The following RANBP2 variants were observed in gnomAD, a reference collection of about 807,000 sequenced individuals.
RANBP2 encodes the protein RAN binding protein 2, also known as E3 SUMO-protein ligase RanBP2.
A neutral mutation model predicts 303.6 loss-of-function variants in RANBP2; 57 were observed. That is an observed-to-expected ratio of 0.19 (90% CI 0.15 to 0.23). The LOEUF is 0.23. Ranked by LOEUF, RANBP2 falls within the 10% of genes least tolerant of loss-of-function variation. RANBP2 has a pLI of 1.00. For missense variants in RANBP2, 3,138 were observed against 3,780.8 expected (o/e 0.83, Z 4.46); for synonymous variants, 1,167 against 1,301.5 (o/e 0.90, Z 2.23).
chr2:108,746,192 G>A (rs1218777585), intron 7 of RANBP2, among the ~76,000 whole-genome samples: 2 of 149,110 alleles, frequency 1.3e-5, no homozygotes, highest in African/African-American at 5.0e-5. Context: ...ACAGGTGTGA[G>A]CCACCATGTC....
At chr2:108,876,211 T>A in the RANBP2 span, 1 of 1,613,104 alleles carries the variant, frequency 6.2e-7, no homozygotes, top group East Asian at 2.2e-5. Context: ...TCAATCTGGG[T>A]TTAACAAAAT....
the RANBP2 span, among the ~76,000 whole-genome samples, chr2:108,877,440 T>C: frequency 6.6e-6 from 1 of 152,138 alleles, no homozygotes; most frequent in Non-Finnish European, 1.5e-5. Flanking sequence ...CACTCCAGCC[T>C]GGGCAACAAA....
chr2:109,312,550 C>T, the RANBP2 span, among the ~76,000 whole-genome samples: 1 of 152,080 alleles, frequency 6.6e-6, no homozygotes, highest in South Asian at 2.1e-4. Context: ...TCTTCCTGGC[C>T]CCAGGCCACC....
At chr2:109,230,363 G>A in the RANBP2 span, among the ~76,000 whole-genome samples, 1 of 152,004 alleles carries the variant, frequency 6.6e-6, no homozygotes, top group Non-Finnish European at 1.5e-5. Context: ...GCTCTCTTGA[G>A]GCCAGGAGTT....
the RANBP2 span, among the ~76,000 whole-genome samples, chr2:109,283,620 G>A: frequency 6.6e-6 from 1 of 152,224 alleles, no homozygotes; most frequent in Non-Finnish European, 1.5e-5. Flanking sequence ...GGAGAGCGCT[G>A]CAGGGAGCTG....
the RANBP2 span, among the ~76,000 whole-genome samples, chr2:109,646,756 T>C: frequency 2.0e-5 from 3 of 151,254 alleles, no homozygotes; most frequent in East Asian, 5.9e-4. Context: ...TCCACCCACG[T>C]AGGCCTCCCA....
chr2:108,847,744 A>G, the RANBP2 span, among the ~76,000 whole-genome samples: 1 of 152,164 alleles, frequency 6.6e-6, no homozygotes, highest in Non-Finnish European at 1.5e-5. Context: ...GTTTTTATTA[A>G]TGGGCAATGA....
chr2:109,169,086 AG>A, the RANBP2 span, among the ~76,000 whole-genome samples: 1 of 152,290 alleles, frequency 6.6e-6, no homozygotes, highest in East Asian at 1.9e-4. Flanking sequence ...CAGCCTTTGG[AG>A]GAGCCAGAAT....
chr2:109,638,421 C>T, the RANBP2 span, among the ~76,000 whole-genome samples: 1 of 152,156 alleles, frequency 6.6e-6, no homozygotes. Context: ...GTTCCAAATT[C>T]CCCACCAGGT....
In RANBP2 at chr2:108,768,329, T is replaced by G. The variant is rs2949962; in HGVS notation, c.7790T>G (p.Phe2597Cys). 10 of 1,610,854 alleles carry G rather than the reference T, an allele frequency of 6.2e-6. No homozygotes were observed. The highest frequency in any genetic ancestry group is 4.0e-5 in the African/African-American group (3 of 74,834). The change falls in exon 20 of 29, where the codon TTT becomes TGT. Residue 2597 changes from phenylalanine to cysteine, a missense_variant. Phe to Cys is a radical substitution (Grantham distance 205). Transcript: ENST00000283195. The part of the protein sequence containing the change: ...QSSDSKVKNL[F>C]ASFPTEESSI... ...TCAGATAGCAAAGTCAAAAATCTCT[T>G]TGCTTCCTTTCCAACGGAAGAATCT...
the RANBP2 span, among the ~76,000 whole-genome samples, chr2:108,975,248 G>A: frequency 1.1e-3 from 164 of 152,294 alleles, 2 homozygotes; most frequent in African/African-American, 3.8e-3. Flanking sequence ...TAGCAGCTGC[G>A]GCCTCAGGCA....
chr2:109,123,697 A>G, the RANBP2 span, among the ~76,000 whole-genome samples: 2 of 152,190 alleles, frequency 1.3e-5, no homozygotes, highest in Non-Finnish European at 2.9e-5. Flanking sequence ...TGGAGGTACC[A>G]CATTAATACT....
the RANBP2 span, among the ~76,000 whole-genome samples, chr2:108,923,006 A>C: frequency 6.6e-6 from 1 of 152,224 alleles, no homozygotes; most frequent in South Asian, 2.1e-4. Flanking sequence ...TTTGCAAAAT[A>C]GTAGTACTTT....
At chr2:109,434,954 C>T in the RANBP2 span, among the ~76,000 whole-genome samples, 1 of 152,334 alleles carries the variant, frequency 6.6e-6, no homozygotes, top group South Asian at 2.1e-4. Flanking sequence ...CCTCCAGCTC[C>T]TGACACTGGA....
chr2:109,737,279 AC>A, the RANBP2 span: 10 of 706,086 alleles, frequency 1.4e-5, no homozygotes, highest in Non-Finnish European at 2.5e-5. Flanking sequence ...TATTTCAAAT[AC>A]CTTTTGGAAA....
the RANBP2 span, among the ~76,000 whole-genome samples, chr2:108,981,619 T>C: frequency 6.6e-6 from 1 of 152,306 alleles, no homozygotes; most frequent in South Asian, 2.1e-4. Flanking sequence ...CATCTGTCTA[T>C]ACCTAGACCT....
chr2:109,425,777 A>G, the RANBP2 span, among the ~76,000 whole-genome samples: 2 of 152,252 alleles, frequency 1.3e-5, no homozygotes, highest in Non-Finnish European at 2.9e-5. Context: ...GGAGATGTAC[A>G]AGGAGATGAA....
chr2:109,262,714 G>T, the RANBP2 span, among the ~76,000 whole-genome samples: 2 of 152,130 alleles, frequency 1.3e-5, no homozygotes, highest in Non-Finnish European at 1.5e-5. Flanking sequence ...TTCTTTATCC[G>T]CAAATAGCTT....
At chr2:108,883,311 T>C in the RANBP2 span, 1 of 152,224 alleles carries the variant, frequency 6.6e-6, no homozygotes, top group Non-Finnish European at 1.5e-5. Context: ...TATTGTCAGT[T>C]CTGTAAGATG....
Sources: gnomAD v4.1 joint callset for allele counts (sites outside exome capture counted in the v4.1 genomes callset) on GRCh38, gnomAD v4.1.1 for gene constraint, MANE v1.5 for transcripts, NCBI Gene and HGNC (gene_info 2026-07-23, HGNC 2026-07-21) for gene names.